ATP9A: variants seen among roughly 807,000 people sequenced by gnomAD.
The protein encoded by ATP9A is probable phospholipid-transporting ATPase IIA.
In ATP9A, 52 loss-of-function variants were observed where a neutral mutation model predicts 144.1. The ratio of observed to expected loss-of-function variants is 0.36; its 90% CI spans 0.29 to 0.45. ATP9A has a LOEUF of 0.45. Among genes scored for constraint, ATP9A ranks in the 20% least tolerant of loss-of-function variants. ATP9A has a pLI of 1.00. For missense variants in ATP9A, 947 were observed against 1,392.7 expected, an observed-to-expected ratio of 0.68 and a Z score of 5.09; for synonymous variants, 582 against 557.4, an observed-to-expected ratio of 1.04 and a Z score of -0.62.
chr20:51,618,540 G>A lies in ATP9A; in HGVS notation c.2350+122C>T, dbSNP rs893573213. ...AGTCTGAGAGGTGGAGAAAAATCATGACCTGAACAAAGGGGCCTGGGGAAT... is the reference window on the plus strand; with the variant it reads ...AGTCTGAGAGGTGGAGAAAAATCATAACCTGAACAAAGGGGCCTGGGGAAT... On this transcript the variant is annotated intron_variant, in intron 21 of 27. Transcript: ENST00000338821. 1.4e-5 allele frequency: 19 copies of A among 1,371,020 alleles called. No individual in the cohort carries two copies. In the Admixed American group the frequency reaches 4.6e-4, roughly 33 times the overall value. The allele number at this position is 1,371,020 out of a possible 1,614,324, so 84.9% of individuals were successfully genotyped here. A position where few individuals can be genotyped will look rare whatever the true frequency, so the allele number is the denominator to read the frequency against.
chr20:51,733,678 T>A (rs1250195580), intron 1 of ATP9A, among the ~76,000 whole-genome samples: 3 of 151,042 alleles, frequency 2.0e-5, no homozygotes, highest in African/African-American at 7.3e-5. Context: ...TGGCCTTTTT[T>A]TTTTAATTTT....
intron 1 of ATP9A, among the ~76,000 whole-genome samples, chr20:51,766,306 T>C (rs928776948): frequency 6.6e-6 from 1 of 152,206 alleles, no homozygotes; most frequent in South Asian, 2.1e-4. Flanking sequence ...GTGATTGCAA[T>C]GAACAGCCAG....
intron 9 of ATP9A, among the ~76,000 whole-genome samples, chr20:51,685,023 A>T (rs6067895): frequency 0.013 from 1,234 of 95,152 alleles, 28 homozygotes; most frequent in East Asian, 0.12. Context: ...AAAATAAAAA[A>T]AAAAAAAAAA....
rs1333656356 is a variant in ATP9A, at chr20:51,666,318, G to T, written c.1293+3679C>A. Among the ~76,000 whole-genome samples, 6 of 152,174 alleles carry T rather than the reference G, an allele frequency of 3.9e-5. No homozygotes were observed. In the East Asian group the frequency reaches 1.2e-3, roughly 29 times the overall value. On this transcript the variant is annotated intron_variant, in intron 13 of 27. Transcript: ENST00000338821. ...GTTCACCTGTTAAAACTGCAGGTCTGGGCACCACTCCTTGTGCTCCTGACT... is the reference window on the plus strand; with the variant it reads ...GTTCACCTGTTAAAACTGCAGGTCTTGGCACCACTCCTTGTGCTCCTGACT...
At chr20:51,750,356 T>C (rs1160555680) in intron 1 of ATP9A, among the ~76,000 whole-genome samples, 1 of 152,002 alleles carries the variant, frequency 6.6e-6, no homozygotes, top group East Asian at 1.9e-4. Flanking sequence ...CCCTTTCACA[T>C]GCCCCAGTGC....
intron 1 of ATP9A, among the ~76,000 whole-genome samples, chr20:51,760,762 C>T (rs1015621557): frequency 5.4e-5 from 8 of 147,716 alleles, no homozygotes; most frequent in South Asian, 2.1e-4. Flanking sequence ...CAGTGGCTCA[C>T]GCCTGTAATC....
chr20:51,722,799 AAAG>A (rs1331882705), intron 3 of ATP9A, among the ~76,000 whole-genome samples: 2 of 152,214 alleles, frequency 1.3e-5, no homozygotes, highest in Admixed American at 1.3e-4. Flanking sequence ...TAAAGAACTG[AAAG>A]AAGAACTACC....
chr20:51,627,071 A>AAG (rs1555829969), intron 17 of ATP9A, among the ~76,000 whole-genome samples: 1 of 151,438 alleles, frequency 6.6e-6, no homozygotes, highest in African/African-American at 2.4e-5. Flanking sequence ...AAAAAAAAAA[A>AAG]AAGAAGAAGA....
chr20:51,679,701 G>C (rs1004985426), intron 9 of ATP9A, among the ~76,000 whole-genome samples: 24 of 152,164 alleles, frequency 1.6e-4, no homozygotes, highest in Admixed American at 1.5e-3. Context: ...AAAAGGCCAA[G>C]AGGTCATGGT....
intron 4 of ATP9A, among the ~76,000 whole-genome samples, chr20:51,702,037 T>C (rs1205694): frequency 0.65 from 98,621 of 150,936 alleles, 32,225 homozygotes; most frequent in Middle Eastern, 0.68. Context: ...TGGTGGCTCA[T>C]GCCTGTAATC....
At chr20:51,700,995 A>AT (rs2077591197) in intron 4 of ATP9A, among the ~76,000 whole-genome samples, 1 of 152,162 alleles carries the variant, frequency 6.6e-6, no homozygotes, top group African/African-American at 2.4e-5. Flanking sequence ...TCAGGAAGGT[A>AT]TTACTTGAAG....
At chr20:51,690,044 A>C (rs1439433570) in intron 8 of ATP9A, among the ~76,000 whole-genome samples, 5 of 142,476 alleles carry the variant, frequency 3.5e-5, no homozygotes, top group African/African-American at 1.3e-4. Flanking sequence ...CCCGGGAGGC[A>C]GAGGTTCCAA....
intron 1 of ATP9A, chr20:51,732,282 T>G (rs1408957832): frequency 1.3e-5 from 2 of 152,258 alleles, no homozygotes; most frequent in African/African-American, 4.8e-5. Flanking sequence ...GCTGGACCGC[T>G]CACCTCACCG....
chr20:51,641,639 A>ACC (rs1295814324), intron 14 of ATP9A, among the ~76,000 whole-genome samples: 1 of 151,470 alleles, frequency 6.6e-6, no homozygotes, highest in African/African-American at 2.4e-5. Flanking sequence ...ACATAGTGAA[A>ACC]CCCCATCTCT....
At chr20:51,601,580 G>A (rs571451130) in intron 27 of ATP9A, among the ~76,000 whole-genome samples, 4 of 152,318 alleles carry the variant, frequency 2.6e-5, no homozygotes, top group African/African-American at 7.2e-5. Flanking sequence ...CTTCCTGACA[G>A]TGAAATGCTA....
At chr20:51,744,856 AT>A (rs1387195687) in intron 1 of ATP9A, among the ~76,000 whole-genome samples, 4 of 152,236 alleles carry the variant, frequency 2.6e-5, no homozygotes, top group African/African-American at 9.6e-5. Context: ...GTAGCCAGAT[AT>A]GGTGGCTCAT....
At chr20:51,717,169 CAAAAAAA>C (rs10577089) in intron 3 of ATP9A, among the ~76,000 whole-genome samples, 69 of 101,516 alleles carry the variant, frequency 6.8e-4, no homozygotes, top group Admixed American at 1.3e-3. Context: ...AAGACTGCCT[CAAAAAAA>C]AAAAAAAAAA....
intron 26 of ATP9A, among the ~76,000 whole-genome samples, chr20:51,606,157 T>A (rs1483440802): frequency 2.0e-5 from 3 of 151,960 alleles, no homozygotes; most frequent in African/African-American, 7.3e-5. Context: ...TTCGGGAGGC[T>A]GAGGCCGGAG....
At chr20:51,661,837 T>A (rs1025123170) in intron 13 of ATP9A, among the ~76,000 whole-genome samples, 14 of 152,116 alleles carry the variant, frequency 9.2e-5, no homozygotes, top group African/African-American at 3.1e-4. Flanking sequence ...ACAGGCTGAT[T>A]AAGTGACTAA....
Sources: gnomAD v4.1 joint callset for allele counts (sites outside exome capture counted in the v4.1 genomes callset) on GRCh38, gnomAD v4.1.1 for gene constraint, MANE v1.5 for transcripts, NCBI Gene and HGNC (gene_info 2026-07-23, HGNC 2026-07-21) for gene names.